TANC2: variants seen among roughly 807,000 people sequenced by gnomAD.
The protein encoded by TANC2 is protein TANC2.
TANC2 carries 26 observed loss-of-function variants against 210.5 expected under a neutral mutation model. The observed-to-expected ratio is 0.12, with a 90% CI of 0.09 to 0.17. The LOEUF (loss-of-function observed/expected upper bound fraction) is 0.17, where lower values mean the gene tolerates loss of function less well. TANC2 is among the 10% of genes least tolerant of loss of function. The probability of loss-of-function intolerance (pLI) is 1.00; values close to 1 mark genes in which losing one functional copy is unlikely to be tolerated. For missense variants in TANC2, 2,129 were observed against 2,608.9 expected, an observed-to-expected ratio of 0.82 and a Z score of 4.01; for synonymous variants, 931 against 967.1, an observed-to-expected ratio of 0.96 and a Z score of 0.69.
At chr17:63,346,499 T>A (rs1315158147) in intron 12 of TANC2, among the ~76,000 whole-genome samples, 1 of 152,106 alleles carries the variant, frequency 6.6e-6, no homozygotes, top group Non-Finnish European at 1.5e-5. Flanking sequence ...TGAAGAAGTG[T>A]TTAACATGAG....
At chr17:63,159,122 C>CT (rs1466669497) in intron 5 of TANC2, among the ~76,000 whole-genome samples, 4 of 152,158 alleles carry the variant, frequency 2.6e-5, no homozygotes, top group Non-Finnish European at 5.9e-5. Context: ...AAGTGACATT[C>CT]TATCACTTTT....
chr17:63,307,008 C>G (rs2044934324), intron 9 of TANC2, among the ~76,000 whole-genome samples: 1 of 152,092 alleles, frequency 6.6e-6, no homozygotes. Context: ...GGAAGCCCCG[C>G]TAACATAGTA....
At chr17:62,974,449 T>C (rs1164306649) in intron 1 of TANC2, among the ~76,000 whole-genome samples, 3 of 152,210 alleles carry the variant, frequency 2.0e-5, no homozygotes, top group Non-Finnish European at 4.4e-5. Flanking sequence ...ATTAGTTTGT[T>C]AGGCAGACAC....
At chr17:63,279,071 T>G (rs1305399592) in intron 9 of TANC2, among the ~76,000 whole-genome samples, 1 of 152,128 alleles carries the variant, frequency 6.6e-6, no homozygotes, top group African/African-American at 2.4e-5. Context: ...CTTAAAAATT[T>G]AAGAGGGTAG....
chr17:63,239,085 A>G (rs996864515), intron 8 of TANC2, among the ~76,000 whole-genome samples: 1 of 151,848 alleles, frequency 6.6e-6, no homozygotes, highest in Non-Finnish European at 1.5e-5. Flanking sequence ...ATGCTGAGGC[A>G]GGAGGATTCC....
intron 3 of TANC2, among the ~76,000 whole-genome samples, chr17:63,098,418 G>T (rs2037469093): frequency 7.2e-6 from 1 of 138,772 alleles, no homozygotes; most frequent in African/African-American, 2.7e-5. Flanking sequence ...TCACCCCTTG[G>T]TGGGCCTTAG....
intron 5 of TANC2, among the ~76,000 whole-genome samples, chr17:63,161,990 T>C (rs2040042788): frequency 6.6e-6 from 1 of 152,174 alleles, no homozygotes; most frequent in Admixed American, 6.6e-5. Context: ...CAAGCCACTT[T>C]GGTAGAATCT....
At chr17:63,212,173 A>G (rs1191616683) in intron 7 of TANC2, among the ~76,000 whole-genome samples, 1 of 152,086 alleles carries the variant, frequency 6.6e-6, no homozygotes, top group Non-Finnish European at 1.5e-5. Context: ...AACACCTGGC[A>G]TTTTTTAAAT....
intron 7 of TANC2, among the ~76,000 whole-genome samples, chr17:63,206,052 G>A (rs1365012907): frequency 6.6e-6 from 1 of 152,046 alleles, no homozygotes; most frequent in Non-Finnish European, 1.5e-5. Flanking sequence ...TTACATAGAC[G>A]TTTCTCCAGA....
intron 2 of TANC2, among the ~76,000 whole-genome samples, chr17:63,061,718 T>C (rs2144536710): frequency 6.6e-6 from 1 of 152,314 alleles, no homozygotes; most frequent in East Asian, 1.9e-4. Context: ...TCTGGTTTTC[T>C]TTAGAGATTC....
At chr17:63,181,019 A>G in intron 5 of TANC2, among the ~76,000 whole-genome samples, 2 of 102,734 alleles carry the variant, frequency 1.9e-5, no homozygotes, top group Admixed American at 1.0e-4. Flanking sequence ...GTGAGACTCC[A>G]TCTCAAAAAA....
chr17:63,091,821 A>G (rs1049992051), intron 3 of TANC2, among the ~76,000 whole-genome samples: 1 of 152,092 alleles, frequency 6.6e-6, no homozygotes, highest in African/African-American at 2.4e-5. Flanking sequence ...CATTTTCACA[A>G]TATTGATTCT....
chr17:63,098,478 ACATACACTCTCTCTCTCT>A (rs1480241661), intron 3 of TANC2, among the ~76,000 whole-genome samples: 8 of 30,902 alleles, frequency 2.6e-4, no homozygotes, highest in African/African-American at 1.4e-3. Flanking sequence ...ACACACACAC[ACATACACTCTCTCTCTCT>A]CTCTCTCTCT....
intron 25 of TANC2, among the ~76,000 whole-genome samples, chr17:63,415,263 G>C (rs2048822393): frequency 1.3e-5 from 2 of 152,216 alleles, no homozygotes; most frequent in South Asian, 4.1e-4. Context: ...TCAGGGTCCA[G>C]GGCCTTCCAT....
chr17:63,267,571 AACC>A (rs1220237610), intron 8 of TANC2, among the ~76,000 whole-genome samples, 174 bp from the exon 9 acceptor site: 1 of 152,178 alleles, frequency 6.6e-6, no homozygotes, highest in African/African-American at 2.4e-5. Context: ...ATTTTTTACA[AACC>A]ACTTATTTGG....
chr17:63,383,924 G>GA (rs1222189569), intron 15 of TANC2, among the ~76,000 whole-genome samples: 3 of 151,806 alleles, frequency 2.0e-5, no homozygotes, highest in Non-Finnish European at 2.9e-5. Context: ...TTTCCTGTTT[G>GA]AAAAAAATCA....
At chr17:63,198,631 T>C (rs2041425247) in intron 6 of TANC2, among the ~76,000 whole-genome samples, 1 of 152,192 alleles carries the variant, frequency 6.6e-6, no homozygotes, top group Non-Finnish European at 1.5e-5. Context: ...CCTGAAGGAT[T>C]CCAATTCCAA....
At chr17:63,092,397 T>C (rs80053402) in intron 3 of TANC2, among the ~76,000 whole-genome samples, 1 of 152,096 alleles carries the variant, frequency 6.6e-6, no homozygotes, top group Non-Finnish European at 1.5e-5. Context: ...TTTTTTTTTT[T>C]AGCCATTTTA....
At chr17:63,393,317 T>G (rs2048039841) in intron 17 of TANC2, 1 of 152,222 alleles carries the variant, frequency 6.6e-6, no homozygotes, top group African/African-American at 2.4e-5. Flanking sequence ...TTGATAGGTC[T>G]TATTACAGGT....
Sources: gnomAD v4.1 joint callset for allele counts (sites outside exome capture counted in the v4.1 genomes callset) on GRCh38, gnomAD v4.1.1 for gene constraint, MANE v1.5 for transcripts, NCBI Gene and HGNC (gene_info 2026-07-23, HGNC 2026-07-21) for gene names.